The following ANKRD55 variants were observed in gnomAD, a reference collection of about 807,000 sequenced individuals.
ANKRD55 encodes ankyrin repeat domain-containing protein 55.
A neutral mutation model predicts 60.6 loss-of-function variants in ANKRD55; 41 were observed. The ratio of observed to expected loss-of-function variants is 0.68; its 90% confidence interval spans 0.53 to 0.88. ANKRD55 has a LOEUF of 0.88. Ranked by LOEUF, ANKRD55 falls within the 40% of genes least tolerant of loss-of-function variation. The probability of loss-of-function intolerance (pLI) is 0.00; values close to 1 mark genes in which losing one functional copy is unlikely to be tolerated. For synonymous variants in ANKRD55, 264 were observed against 290.3 expected, an observed-to-expected ratio of 0.91 and a Z score of 0.92; for missense variants, 732 against 767.6, an observed-to-expected ratio of 0.95 and a Z score of 0.55.
intron 7 of ANKRD55, among the ~76,000 whole-genome samples, chr5:56,129,544 G>A (rs1429287594): frequency 6.6e-6 from 1 of 152,168 alleles, no homozygotes; most frequent in Non-Finnish European, 1.5e-5. Flanking sequence ...GACTTGCCAA[G>A]AAGAAAGTCG....
chr5:56,210,560 CAAAAAAAAA>C (rs59566826), intron 2 of ANKRD55, among the ~76,000 whole-genome samples: 5 of 65,158 alleles, frequency 7.7e-5, no homozygotes, highest in African/African-American at 2.0e-4. Flanking sequence ...GACTACGTCT[CAAAAAAAAA>C]AAAAAAAAAA....
chr5:56,198,134 A>C (rs1048658367), intron 2 of ANKRD55, among the ~76,000 whole-genome samples: 2 of 152,180 alleles, frequency 1.3e-5, no homozygotes, highest in Non-Finnish European at 2.9e-5. Flanking sequence ...ATAGTGACTA[A>C]AATTTTTATT....
At chr5:56,194,072 C>T (rs1759172488) in intron 2 of ANKRD55, among the ~76,000 whole-genome samples, 2 of 152,140 alleles carry the variant, frequency 1.3e-5, no homozygotes, top group Non-Finnish European at 2.9e-5. Flanking sequence ...AATCCCAGCA[C>T]TTTGGGAGGC....
At chr5:56,182,656 G>T (rs1758876691) in intron 3 of ANKRD55, among the ~76,000 whole-genome samples, 1 of 152,148 alleles carries the variant, frequency 6.6e-6, no homozygotes, top group South Asian at 2.1e-4. Context: ...ATTGAAACTT[G>T]GACTTTTGGG....
chr5:56,129,082 AG>A (rs1346294254), intron 7 of ANKRD55, among the ~76,000 whole-genome samples: 27 of 152,246 alleles, frequency 1.8e-4, no homozygotes, highest in African/African-American at 6.0e-4. Flanking sequence ...AGAAAACACT[AG>A]TTTGTAAGTC....
chr5:56,209,555 C>T (rs541006078), intron 2 of ANKRD55, among the ~76,000 whole-genome samples: 123 of 152,002 alleles, frequency 8.1e-4, no homozygotes, highest in Non-Finnish European at 1.6e-3. Flanking sequence ...CAAGCTCCGC[C>T]TCCTGGGTTC....
intron 2 of ANKRD55, among the ~76,000 whole-genome samples, chr5:56,190,978 A>T (rs1196459313): frequency 6.6e-6 from 1 of 152,198 alleles, no homozygotes; most frequent in African/African-American, 2.4e-5. Context: ...TTCTTTCCCT[A>T]TTGAATGGTC....
chr5:56,215,734 G>C (rs537139414), intron 2 of ANKRD55, among the ~76,000 whole-genome samples: 56 of 152,248 alleles, frequency 3.7e-4, no homozygotes, highest in African/African-American at 1.2e-3. Context: ...AACCTCAGAT[G>C]GACTAAAAAT....
chr5:56,164,844 T>C (rs950688187), intron 5 of ANKRD55, among the ~76,000 whole-genome samples: 5 of 152,194 alleles, frequency 3.3e-5, no homozygotes, highest in African/African-American at 1.2e-4. Flanking sequence ...CATCTTTGCT[T>C]TTGTAAACCC....
chr5:56,119,493 G>A (rs552898362), intron 8 of ANKRD55, among the ~76,000 whole-genome samples: 3 of 152,252 alleles, frequency 2.0e-5, no homozygotes, highest in South Asian at 4.1e-4. Flanking sequence ...GAATTGTTCT[G>A]AATTCTGTTT....
chr5:56,133,698 A>G lies in ANKRD55; in HGVS notation c.613-6592T>C, dbSNP rs139447301. On this transcript the variant is annotated intron_variant, in intron 7 of 11. Coordinates refer to ENST00000341048, the MANE Select transcript of ANKRD55 (RefSeq NM_024669.3). ...TCTGAACATGTGGAGATTAAACAAT[A>G]TAAGTAACACATGGTTCAAAAGAAG... 3.7e-4 allele frequency among the ~76,000 whole-genome samples: 43 copies of G among 114,892 alleles called. 12 individuals are homozygous for G. Among genetic ancestry groups the G allele is most frequent in the South Asian group, 1.1e-3 (4 of 3,610 alleles). 75.4% of individuals were successfully genotyped at this position (114,892 alleles called of 152,430 possible). A position where few individuals can be genotyped will look rare whatever the true frequency, so the allele number is the denominator to read the frequency against.
chr5:56,149,988 C>T (rs1758001345), intron 6 of ANKRD55, among the ~76,000 whole-genome samples: 3 of 151,892 alleles, frequency 2.0e-5, no homozygotes, highest in African/African-American at 4.8e-5. Flanking sequence ...ACTACAGGTG[C>T]GAGCCACCAC....
chr5:56,162,694 A>G, intron 5 of ANKRD55, among the ~76,000 whole-genome samples: 1 of 150,240 alleles, frequency 6.7e-6, no homozygotes. Context: ...TTTTGAGACA[A>G]GCTCTCACTC....
chr5:56,127,569 T>C (rs1254114025), intron 7 of ANKRD55: 2 of 984,918 alleles, frequency 2.0e-6, no homozygotes, highest in South Asian at 4.7e-5. Context: ...GGCGCAGTGA[T>C]GCACTTAAAA....
chr5:56,181,875 G>A lies in ANKRD55; in HGVS notation c.181+1637C>T, dbSNP rs185712080. 5.7e-3 allele frequency among the ~76,000 whole-genome samples: 870 copies of A among 152,304 alleles called. 7 individuals carry two copies. The highest frequency in any genetic ancestry group is 0.02 in the African/African-American group (847 of 41,554). On this transcript the variant is annotated intron_variant, in intron 3 of 11. Transcript: ENST00000341048. ...CTCCCGAAGTGTTGGGATTATAGGC[G>A]TGAGCCACCGTGTCCGGCCTATTTC... is the stretch of plus-strand genomic sequence containing the variant.
At chr5:56,195,485 C>T (rs1302149956) in intron 2 of ANKRD55, among the ~76,000 whole-genome samples, 1 of 152,166 alleles carries the variant, frequency 6.6e-6, no homozygotes. Flanking sequence ...ACTCTGTCCC[C>T]CAGGCTGGAG....
At chr5:56,230,868 A>G (rs1460600280) in intron 2 of ANKRD55, among the ~76,000 whole-genome samples, 2 of 152,232 alleles carry the variant, frequency 1.3e-5, no homozygotes, top group Non-Finnish European at 2.9e-5. Context: ...TGCACTTCAG[A>G]AACTCCCAGT....
intron 2 of ANKRD55, among the ~76,000 whole-genome samples, chr5:56,225,589 C>G (rs1442488821): frequency 6.6e-6 from 1 of 152,132 alleles, no homozygotes; most frequent in African/African-American, 2.4e-5. Context: ...AAAACCCCAT[C>G]GTCTCAGCCC....
At chr5:56,188,361 C>T (rs866267050) in intron 2 of ANKRD55, among the ~76,000 whole-genome samples, 3 of 133,154 alleles carry the variant, frequency 2.3e-5, no homozygotes, top group Admixed American at 2.1e-4. Context: ...CCGCCACCCC[C>T]CTACAACCAA....
Sources: allele counts gnomAD v4.1 joint callset (sites outside exome capture counted in the v4.1 genomes callset), GRCh38; gene constraint gnomAD v4.1.1; transcripts MANE v1.5; gene names NCBI Gene and HGNC (gene_info 2026-07-23, HGNC 2026-07-21).